NCKAP5: variants seen among roughly 807,000 people sequenced by gnomAD.
NCKAP5 encodes the protein NCK associated protein 5.
A neutral mutation model predicts 167.0 loss-of-function variants in NCKAP5; 92 were observed. That is an observed-to-expected ratio of 0.55 (90% CI 0.47 to 0.66). The LOEUF (loss-of-function observed/expected upper bound fraction) is 0.66, where lower values mean the gene tolerates loss of function less well. NCKAP5 is among the 30% of genes least tolerant of loss of function. The pLI, the probability that NCKAP5 is intolerant of heterozygous loss-of-function variation, is 0.00. For missense variants in NCKAP5, 2,378 were observed against 2,315.0 expected (o/e 1.03, Z -0.56); for synonymous variants, 891 against 877.4 (o/e 1.02, Z -0.27).
intron 3 of NCKAP5, among the ~76,000 whole-genome samples, chr2:133,482,016 C>G (rs1680492883): frequency 6.6e-6 from 1 of 152,150 alleles, no homozygotes; most frequent in Non-Finnish European, 1.5e-5. Context: ...TCTGATCTAT[C>G]TTTCCACTCT....
chr2:133,415,126 C>A (rs903724197), intron 3 of NCKAP5, among the ~76,000 whole-genome samples: 9 of 152,172 alleles, frequency 5.9e-5, no homozygotes, highest in African/African-American at 2.2e-4. Flanking sequence ...ACCCCATTGC[C>A]CCCGCTGATG....
intron 6 of NCKAP5, among the ~76,000 whole-genome samples, chr2:133,121,203 A>G (rs994719693): frequency 6.6e-6 from 1 of 152,226 alleles, no homozygotes; most frequent in Non-Finnish European, 1.5e-5. Flanking sequence ...CAGGTCCAAT[A>G]TTATAGGTCT....
chr2:133,469,416 C>A (rs927899492), intron 3 of NCKAP5, among the ~76,000 whole-genome samples: 5 of 151,910 alleles, frequency 3.3e-5, no homozygotes, highest in African/African-American at 1.2e-4. Context: ...GAGGGTAACC[C>A]GACCTTTCTC....
chr2:132,735,338 G>A (rs1232712330), intron 16 of NCKAP5, among the ~76,000 whole-genome samples: 3 of 152,152 alleles, frequency 2.0e-5, no homozygotes. Flanking sequence ...CATCCCCTTA[G>A]TGACAAGTGA....
intron 3 of NCKAP5, among the ~76,000 whole-genome samples, chr2:133,487,476 G>C (rs547681442): frequency 1.3e-5 from 2 of 152,210 alleles, no homozygotes; most frequent in East Asian, 3.9e-4. Flanking sequence ...ACCGTCTCCA[G>C]GCCACTACCA....
intron 2 of NCKAP5, among the ~76,000 whole-genome samples, chr2:133,546,378 A>T (rs74792725): frequency 0.093 from 14,153 of 152,216 alleles, 805 homozygotes; most frequent in East Asian, 0.3. Flanking sequence ...AATTTATCAG[A>T]TTTTCCACAA....
At chr2:133,370,820 T>C (rs1050137949) in intron 3 of NCKAP5, among the ~76,000 whole-genome samples, 2 of 152,078 alleles carry the variant, frequency 1.3e-5, no homozygotes, top group Non-Finnish European at 2.9e-5. Context: ...CTTAAAGGAT[T>C]AGATTTCCTT....
rs114144928 is a variant in NCKAP5, at chr2:133,088,650, T to C, written c.341+41328A>G. 1.8e-3 allele frequency among the ~76,000 whole-genome samples: 271 copies of C among 152,314 alleles called. 1 individual carries two copies. Among genetic ancestry groups the C allele is most frequent in the Middle Eastern group, 6.8e-3 (2 of 294 alleles). On this transcript the variant is annotated intron_variant, in intron 6 of 19. Transcript: ENST00000409261. ...AACAAATATTATGTAATGCTGCCTT[T>C]ACTATCCTGAAATGAAATTAACAGA...
chr2:133,178,848 A>G (rs1379615706), intron 5 of NCKAP5, among the ~76,000 whole-genome samples: 1 of 150,908 alleles, frequency 6.6e-6, no homozygotes, highest in African/African-American at 2.4e-5. Flanking sequence ...AAAAAAAAAA[A>G]AAAAACCCAG....
chr2:133,373,615 A>G (rs1324479566), intron 3 of NCKAP5, among the ~76,000 whole-genome samples: 1 of 152,184 alleles, frequency 6.6e-6, no homozygotes, highest in Non-Finnish European at 1.5e-5. Flanking sequence ...AAAATATCGA[A>G]GGAGATGAAT....
At chr2:132,936,793 T>A (rs989896115) in intron 8 of NCKAP5, among the ~76,000 whole-genome samples, 3 of 152,236 alleles carry the variant, frequency 2.0e-5, no homozygotes, top group African/African-American at 7.2e-5. Flanking sequence ...TAGTTTCTAT[T>A]TACTTTCTAA....
At chr2:132,732,990 C>T (rs567481108) in intron 16 of NCKAP5, among the ~76,000 whole-genome samples, 44 of 152,320 alleles carry the variant, frequency 2.9e-4, no homozygotes, top group Admixed American at 7.2e-4. Flanking sequence ...TCATCAATAA[C>T]GCTTTGGATT....
intron 6 of NCKAP5, among the ~76,000 whole-genome samples, chr2:133,112,457 G>C (rs912845873): frequency 6.7e-6 from 1 of 149,756 alleles, no homozygotes; most frequent in Non-Finnish European, 1.5e-5. Flanking sequence ...CTGGGCAACA[G>C]AGTAAGACTC....
chr2:132,838,406 T>G (rs1032457696), intron 11 of NCKAP5, among the ~76,000 whole-genome samples: 7 of 151,950 alleles, frequency 4.6e-5, no homozygotes, highest in Non-Finnish European at 1.0e-4. Flanking sequence ...CCGAGGTGGG[T>G]GGATCACGAG....
At chr2:132,721,307 T>C (rs1475477155) in intron 19 of NCKAP5, among the ~76,000 whole-genome samples, 2 of 151,224 alleles carry the variant, frequency 1.3e-5, no homozygotes, top group South Asian at 2.1e-4. Flanking sequence ...GACTCCGTCT[T>C]GGAAAACAAA....
chr2:133,249,606 C>G (rs1232019419), intron 4 of NCKAP5, among the ~76,000 whole-genome samples: 5 of 152,172 alleles, frequency 3.3e-5, no homozygotes, highest in African/African-American at 1.2e-4. Flanking sequence ...CGTTAGTCAC[C>G]CTTCCTCCTT....
intron 7 of NCKAP5, among the ~76,000 whole-genome samples, chr2:132,989,611 C>T (rs1339350782): frequency 6.6e-6 from 1 of 152,072 alleles, no homozygotes; most frequent in Non-Finnish European, 1.5e-5. Flanking sequence ...GAATGAGAAT[C>T]GAACATTTTA....
the NCKAP5 span, among the ~76,000 whole-genome samples, chr2:133,657,835 C>T: frequency 6.6e-6 from 1 of 152,036 alleles, no homozygotes; most frequent in South Asian, 2.1e-4. Context: ...AGTCAGAGCT[C>T]AGCTATTTGG....
chr2:133,478,939 G>A (rs1260142483), intron 3 of NCKAP5, among the ~76,000 whole-genome samples: 2 of 151,766 alleles, frequency 1.3e-5, no homozygotes, highest in African/African-American at 4.8e-5. Context: ...AGAAAGGTGA[G>A]CCAACTATTT....
Sources: allele counts gnomAD v4.1 joint callset (sites outside exome capture counted in the v4.1 genomes callset), GRCh38; gene constraint gnomAD v4.1.1; transcripts MANE v1.5; gene names NCBI Gene and HGNC (gene_info 2026-07-23, HGNC 2026-07-21).